Variants in LRRC47 observed in about 807,000 individuals in gnomAD.
The protein encoded by LRRC47 is leucine rich repeat containing 47, also known as leucine-rich repeat-containing protein 47.
Under a neutral mutation model 40.9 loss-of-function variants are expected in LRRC47, and 31 were observed. That is an observed-to-expected ratio of 0.76 (90% CI 0.57 to 1.02). The LOEUF is 1.02. Among genes scored for constraint, LRRC47 ranks in the 50% least tolerant of loss-of-function variants. LRRC47 has a pLI of 0.00. For missense variants in LRRC47, 726 were observed against 796.1 expected (o/e 0.91, Z 1.06); for synonymous variants, 427 against 371.9 (o/e 1.15, Z -1.70).
chr1:3,783,212 G>C (rs1218077443), intron 4 of LRRC47: 1 of 158,088 alleles, frequency 6.3e-6, no homozygotes, highest in Non-Finnish European at 1.4e-5. Context: ...TTGAAGTCAG[G>C]AGTTCAGGAC....
intron 1 of LRRC47, among the ~76,000 whole-genome samples, chr1:3,790,881 G>T (rs1340538069): frequency 2.6e-5 from 1 of 37,856 alleles, no homozygotes; most frequent in African/African-American, 2.8e-4. Flanking sequence ...GGAGGGAAAG[G>T]ACAGGCAGAA....
At position 3,780,053 on chromosome 1, in the gene LRRC47, G is replaced by C. The variant is rs112847093; in HGVS notation, c.*1035C>G. 1.1e-4 allele frequency: 17 copies of C among 152,310 alleles called. 1 individual carries two copies. Among genetic ancestry groups the C allele is most frequent in the African/African-American group, 3.8e-4 (16 of 41,576 alleles). The allele number at this position is 152,310 out of a possible 1,614,324, so 9.4% of individuals were successfully genotyped here. A position where few individuals can be genotyped will look rare whatever the true frequency, so the allele number is the denominator to read the frequency against. On this transcript the variant is annotated 3_prime_UTR_variant, in exon 7 of 7. Transcript: ENST00000378251. ...ATCCTGGCATGATATGGTTTTACAA[G>C]ATGCTGCGTCATAGAAAGTGACCGT...
intron 1 of LRRC47, among the ~76,000 whole-genome samples, chr1:3,788,684 C>G (rs1319691998): frequency 2.0e-5 from 3 of 152,124 alleles, no homozygotes; most frequent in Non-Finnish European, 4.4e-5. Context: ...CAGCATGGCT[C>G]AGAAATGGGA....
At chr1:3,793,525 G>A (rs1343756612) in intron 1 of LRRC47, among the ~76,000 whole-genome samples, 2 of 152,198 alleles carry the variant, frequency 1.3e-5, no homozygotes, top group Non-Finnish European at 2.9e-5. Context: ...ACGAGGATAG[G>A]AGGATGGAGG....
At chr1:3,784,162 GC>G in intron 3 of LRRC47, 51 bp from the exon 4 acceptor site, 1 of 1,491,034 alleles carries the variant, frequency 6.7e-7, no homozygotes, top group Non-Finnish European at 9.2e-7. Context: ...CACAGAACTC[GC>G]CCATCGTGTC....
At position 3,784,094 on chromosome 1, in the gene LRRC47, C is replaced by A. The variant is rs1476541722; in HGVS notation, c.1212G>T (p.Arg404=). 1 of 1,611,782 alleles carries A rather than the reference C, an allele frequency of 6.2e-7. No homozygotes were observed. Among genetic ancestry groups the A allele is most frequent in the Admixed American group, 1.7e-5 (1 of 59,834 alleles). Reference sequence around the variant, plus strand: ...CCAGCTCCTTGGCCTTGGCTTCTTTCCGCCCCAAGGGGACAATCTATCGGG... The same window carrying A: ...CCAGCTCCTTGGCCTTGGCTTCTTTACGCCCCAAGGGGACAATCTATCGGG... ...PQDLKIVPLG[R]KEAKAKELVR... The change falls in exon 4 of 7, where the codon CGG becomes CGT. Residue 404 remains arginine (R), a synonymous_variant. Coordinates refer to ENST00000378251, the MANE Select transcript of LRRC47 (RefSeq NM_020710.3).
In LRRC47 at chr1:3,786,895, A is replaced by G. The variant is rs1643580047; in HGVS notation, c.1031T>C (p.Met344Thr). ...GAGTGCATTCCCTGGCTGCAGGTCC[A>G]TGCCTCGCACCACGGCCCCCACAAT... ...PYIVGAVVRG[M>T]DLQPGNALKR... Residue 344 changes from methionine to threonine, a missense_variant, in exon 2 of 7, where the codon ATG becomes ACG. Transcript: ENST00000378251. 4.4e-6 allele frequency: 7 copies of G among 1,605,690 alleles called. No individual in the cohort carries two copies. The highest frequency in any genetic ancestry group is 5.1e-6 in the Non-Finnish European group (6 of 1,176,366).
chr1:3,792,513 T>G (rs762383096), intron 1 of LRRC47, among the ~76,000 whole-genome samples: 3 of 148,024 alleles, frequency 2.0e-5, no homozygotes, highest in Non-Finnish European at 4.4e-5. Context: ...CAGGCTGGAG[T>G]GCAGTGGTGC....
At chr1:3,783,654 G>T in intron 4 of LRRC47, 1 of 237,870 alleles carries the variant, frequency 4.2e-6, no homozygotes, top group Non-Finnish European at 8.2e-6. Flanking sequence ...ACAGCGCACG[G>T]TATGGATAAA....
rs1202782832 is a variant in LRRC47, at chr1:3,786,852, C to T, written c.1074G>A (p.Ser358=). Residue 358 remains serine, a synonymous_variant, in exon 2 of 7, where the codon TCG becomes TCA. Coordinates refer to ENST00000378251, the MANE Select transcript of LRRC47 (RefSeq NM_020710.3). The part of the protein sequence containing the change: ...PGNALKRFLT[S]QTKLHEDLCE... ...GAGGACCCCCACGGGCACCCACCTG[C>T]GAGGTGAGGAAGCGCTTGAGTGCAT... 14 of 1,585,866 alleles carry T rather than the reference C, an allele frequency of 8.8e-6. No individual in the cohort carries two copies. The highest frequency in any genetic ancestry group is 5.2e-5 in the Admixed American group (3 of 58,186).
Position 3,796,036 on chromosome 1 carries a change from G to A in LRRC47, c.441C>T (p.Asp147=), listed in dbSNP as rs763920220. The change falls in exon 1 of 7, where the codon GAC becomes GAT. Residue 147 remains aspartate, a synonymous_variant. Coordinates refer to ENST00000378251, the MANE Select transcript of LRRC47 (RefSeq NM_020710.3). ...SGNRLRELPA[D]LARCAPRLQS... is the part of the protein sequence containing the mutation. Reference sequence around the variant, plus strand: ...GCAGGCGCGGGGCGCAGCGCGCCAGGTCGGCTGGCAGCTCGCGCAGCCGGT... The same window carrying A: ...GCAGGCGCGGGGCGCAGCGCGCCAGATCGGCTGGCAGCTCGCGCAGCCGGT... 6.5e-7 allele frequency: 1 copy of A among 1,544,836 alleles called. No individual in the cohort carries two copies. Among genetic ancestry groups the A allele is most frequent in the Non-Finnish European group, 8.7e-7 (1 of 1,147,510 alleles).
chr1:3,791,105 G>A (rs1292757152), intron 1 of LRRC47, among the ~76,000 whole-genome samples: 3 of 152,110 alleles, frequency 2.0e-5, no homozygotes, highest in East Asian at 1.9e-4. Flanking sequence ...GACGACACAC[G>A]GAGAAGCCCA....
chr1:3,791,193 A>G (rs893491834), intron 1 of LRRC47, among the ~76,000 whole-genome samples: 3 of 152,166 alleles, frequency 2.0e-5, no homozygotes, highest in Non-Finnish European at 4.4e-5. Context: ...GAGCTGCAGC[A>G]CTGTCCACTG....
At chr1:3,793,699 G>A (rs962006673) in intron 1 of LRRC47, among the ~76,000 whole-genome samples, 2 of 152,114 alleles carry the variant, frequency 1.3e-5, no homozygotes, top group Non-Finnish European at 1.5e-5. Context: ...GTTTTTGCAT[G>A]TCTGATCAAT....
chr1:3,793,510 G>A (rs920140811), intron 1 of LRRC47, among the ~76,000 whole-genome samples: 1 of 152,100 alleles, frequency 6.6e-6, no homozygotes, highest in African/African-American at 2.4e-5. Context: ...AGCTAATGAG[G>A]GTCCACGAGG....
At chr1:3,781,822 A>G (rs1643523281) in intron 5 of LRRC47, among the ~76,000 whole-genome samples, 1 of 152,126 alleles carries the variant, frequency 6.6e-6, no homozygotes, top group South Asian at 2.1e-4. Flanking sequence ...TCTACAAAAA[A>G]ATACAAAAAT....
rs1643669841 is a variant in LRRC47 at position 3,795,891 on chromosome 1, G to A, written c.586C>T (p.Pro196Ser). ...AGCGAGGCCAGGTGGGCGATGTCGG[G>A]GCTGAGTTCTCGGAGGCAGTTGTCA... Reference protein sequence around the residue: ...AADNCLRELSPDIAHLASLKT... With the variant: ...AADNCLRELSSDIAHLASLKT... The change falls in exon 1 of 7, where the codon CCC (proline) becomes TCC (serine). Residue 196 changes from proline (P) to serine (S), a missense_variant. By Grantham distance (74) the Pro-to-Ser change is moderately conservative. Transcript: ENST00000378251. 3 of 1,595,848 alleles carry A rather than the reference G, an allele frequency of 1.9e-6. No homozygotes were observed. The highest frequency in any genetic ancestry group is 2.6e-6 in the Non-Finnish European group (3 of 1,176,158).
At chr1:3,783,893 TG>T in intron 4 of LRRC47, 102 bp downstream of exon 4, 1 of 877,450 alleles carries the variant, frequency 1.1e-6, no homozygotes, top group Non-Finnish European at 1.8e-6. Context: ...TTCTGGGTTC[TG>T]GTAGCATTAG....
At chr1:3,791,240 G>A (rs537727161) in intron 1 of LRRC47, among the ~76,000 whole-genome samples, 5 of 152,332 alleles carry the variant, frequency 3.3e-5, no homozygotes, top group Admixed American at 1.3e-4. Context: ...AGCCCAGAGC[G>A]CAGAGCCGCT....
Sources: gnomAD v4.1 joint callset for allele counts (sites outside exome capture counted in the v4.1 genomes callset) on GRCh38, gnomAD v4.1.1 for gene constraint, MANE v1.5 for transcripts, NCBI Gene and HGNC (gene_info 2026-07-23, HGNC 2026-07-21) for gene names.